Variants in PIK3CB observed in about 807,000 individuals in gnomAD.
PIK3CB encodes the protein phosphatidylinositol 4,5-bisphosphate 3-kinase catalytic subunit beta isoform.
PIK3CB carries 39 observed loss-of-function variants against 136.8 expected under a neutral mutation model. The observed-to-expected ratio is 0.29, with a 90% CI of 0.22 to 0.37. The LOEUF is 0.37. Ranked by LOEUF, PIK3CB falls within the 10% of genes least tolerant of loss-of-function variation. PIK3CB has a pLI of 1.00. For missense variants in PIK3CB, 868 were observed against 1,275.4 expected (o/e 0.68, Z 4.87); for synonymous variants, 428 against 436.6 (o/e 0.98, Z 0.25).
At chr3:138,687,485 G>C (rs936471319) in intron 16 of PIK3CB, among the ~76,000 whole-genome samples, 1 of 152,048 alleles carries the variant, frequency 6.6e-6, no homozygotes, top group Non-Finnish European at 1.5e-5. Flanking sequence ...CTTTTTTTGA[G>C]ACAGGGTCTT....
In PIK3CB at chr3:138,737,394, C is replaced by CAA. The variant is rs11344311; in HGVS notation, c.801+311_801+312dup. On this transcript the variant is annotated intron_variant, in intron 6 of 23. Coordinates refer to ENST00000674063, the MANE Select transcript of PIK3CB (RefSeq NM_006219.3). ...TAGGCGACAGAGCAACACTCTGTCT[C>CAA]AAAAAAAAAAAAAAAAAAAAAAAAA... Among the ~76,000 whole-genome samples the CAA allele has an allele frequency of 5.1e-4, 20 of 39,058 alleles. 4 individuals are homozygous for CAA. Among genetic ancestry groups the CAA allele is most frequent in the African/African-American group, 7.5e-4 (7 of 9,338 alleles). The allele number at this position is 39,058 out of a possible 152,430, so 25.6% of individuals were successfully genotyped here.
intron 19 of PIK3CB, among the ~76,000 whole-genome samples, chr3:138,668,482 C>T (rs1471503399): frequency 1.3e-5 from 2 of 152,196 alleles, no homozygotes; most frequent in East Asian, 1.9e-4. Context: ...CTGCACTCAA[C>T]TTCTACACTT....
chr3:138,785,204 C>T (rs894958961), intron 2 of PIK3CB, among the ~76,000 whole-genome samples: 28 of 148,868 alleles, frequency 1.9e-4, no homozygotes, highest in African/African-American at 7.2e-4. Flanking sequence ...GGGCAGCCCC[C>T]GCCCGGCCAG....
chr3:138,774,983 T>C (rs185246906), intron 2 of PIK3CB, among the ~76,000 whole-genome samples: 1 of 152,374 alleles, frequency 6.6e-6, no homozygotes, highest in African/African-American at 2.4e-5. Context: ...TATCATTTGT[T>C]TGTCTGTTTT....
At chr3:138,805,523 T>A (rs1260660553) in intron 1 of PIK3CB, among the ~76,000 whole-genome samples, 1 of 150,236 alleles carries the variant, frequency 6.7e-6, no homozygotes, top group Non-Finnish European at 1.5e-5. Context: ...TACAAAAAAA[T>A]TAGCCAGGCG....
chr3:138,725,835 C>T lies in PIK3CB; in HGVS notation c.1050+7526G>A, dbSNP rs376113891. On this transcript the variant is annotated intron_variant, in intron 8 of 23. Coordinates refer to ENST00000674063, the MANE Select transcript of PIK3CB (RefSeq NM_006219.3). The stretch of plus-strand genomic sequence containing the variant: ...AACATCTGTGTCATCTCGTCACTGA[C>T]GTCTATTGAACTATCATTGTCCACA... Among the ~76,000 whole-genome samples, 18 of 152,318 alleles carry T rather than the reference C, an allele frequency of 1.2e-4. No individual in the cohort carries two copies. The South Asian group carries it at 2.3e-3, about 19-fold the overall frequency.
chr3:138,720,407 A>G (rs2044701979), intron 8 of PIK3CB, among the ~76,000 whole-genome samples: 1 of 152,060 alleles, frequency 6.6e-6, no homozygotes, highest in Admixed American at 6.6e-5. Flanking sequence ...CACTTCTCTA[A>G]TAGTTTTGTC....
intron 15 of PIK3CB, among the ~76,000 whole-genome samples, chr3:138,690,734 A>G (rs1355494225): frequency 6.6e-6 from 1 of 151,810 alleles, no homozygotes; most frequent in African/African-American, 2.4e-5. Context: ...AAAAAAAAAA[A>G]AAAGAAAGGA....
In PIK3CB at chr3:138,744,392, CAAA is replaced by C. The variant is rs60503033; in HGVS notation, c.398-1614_398-1612del. Among the ~76,000 whole-genome samples, 59 of 45,102 alleles carry C rather than the reference CAAA, an allele frequency of 1.3e-3. 6 individuals are homozygous for C. Among genetic ancestry groups the C allele is most frequent in the East Asian group, 3.9e-3 (8 of 2,060 alleles). 29.6% of individuals were successfully genotyped at this position (45,102 alleles called of 152,430 possible). ...ACTGGGTGACAGAGCGAGACTCCCC[CAAA>C]AAAAAAAAAAAAAAAAAAAAAAAAA... On this transcript the variant is annotated intron_variant, in intron 4 of 23. Transcript: ENST00000674063.
intron 1 of PIK3CB, among the ~76,000 whole-genome samples, chr3:138,817,272 G>A (rs982327533): frequency 6.6e-6 from 1 of 151,960 alleles, no homozygotes; most frequent in Non-Finnish European, 1.5e-5. Context: ...CCGGGGGGCG[G>A]AGCCTGCAGT....
chr3:138,810,817 G>A (rs900951229), intron 1 of PIK3CB, among the ~76,000 whole-genome samples: 6 of 152,118 alleles, frequency 3.9e-5, no homozygotes, highest in African/African-American at 1.4e-4. Flanking sequence ...CTACTCGGGA[G>A]GCTGAGGCAG....
At chr3:138,743,573 C>A (rs1054068404) in intron 4 of PIK3CB, among the ~76,000 whole-genome samples, 1 of 152,108 alleles carries the variant, frequency 6.6e-6, no homozygotes. Context: ...TTCATTCATT[C>A]ATTCACTGAG....
At chr3:138,774,260 T>C (rs930285838) in intron 2 of PIK3CB, among the ~76,000 whole-genome samples, 1 of 152,252 alleles carries the variant, frequency 6.6e-6, no homozygotes, top group Admixed American at 6.5e-5. Flanking sequence ...CTCTTTCAGA[T>C]AGCAACCCTC....
chr3:138,675,985 T>G (rs2043634155), intron 19 of PIK3CB, among the ~76,000 whole-genome samples: 1 of 152,140 alleles, frequency 6.6e-6, no homozygotes, highest in South Asian at 2.1e-4. Context: ...TGGAAAAGAA[T>G]AAAGTTGGAT....
intron 19 of PIK3CB, among the ~76,000 whole-genome samples, chr3:138,678,553 T>G (rs1410445678): frequency 6.6e-6 from 1 of 151,994 alleles, no homozygotes; most frequent in African/African-American, 2.4e-5. Flanking sequence ...AATAAACAAT[T>G]AAAATTTCCT....
At chr3:138,692,680 T>C (rs934980573) in intron 14 of PIK3CB, among the ~76,000 whole-genome samples, 3 of 152,238 alleles carry the variant, frequency 2.0e-5, no homozygotes, top group Non-Finnish European at 4.4e-5. Flanking sequence ...GTAATTACTT[T>C]TGGCTATTAC....
At chr3:138,747,047 T>C (rs1222191842) in intron 4 of PIK3CB, among the ~76,000 whole-genome samples, 1 of 94,492 alleles carries the variant, frequency 1.1e-5, no homozygotes, top group Middle Eastern at 7.4e-3. Flanking sequence ...ATCAAGCTAT[T>C]CAGCCTTTAT....
chr3:138,713,855 T>C (rs1314259139), intron 9 of PIK3CB, among the ~76,000 whole-genome samples: 1 of 152,228 alleles, frequency 6.6e-6, no homozygotes, highest in African/African-American at 2.4e-5. Flanking sequence ...GTCCATCCTC[T>C]TATATTCATA....
intron 1 of PIK3CB, among the ~76,000 whole-genome samples, chr3:138,833,189 C>A (rs1194554657): frequency 1.3e-5 from 2 of 151,632 alleles, no homozygotes; most frequent in Non-Finnish European, 2.9e-5. Context: ...GCCTCAGCCT[C>A]CCAAGTAGCT....
Sources: allele counts gnomAD v4.1 joint callset (sites outside exome capture counted in the v4.1 genomes callset), GRCh38; gene constraint gnomAD v4.1.1; transcripts MANE v1.5; gene names NCBI Gene and HGNC (gene_info 2026-07-23, HGNC 2026-07-21).